L3MBTL4: variants seen among roughly 807,000 people sequenced by gnomAD.
L3MBTL4 encodes the protein L3MBTL histone methyl-lysine binding protein 4.
Under a neutral mutation model 84.5 loss-of-function variants are expected in L3MBTL4, and 70 were observed. That is an observed-to-expected ratio of 0.83 (90% CI 0.68 to 1.01). L3MBTL4 has a LOEUF of 1.01. Ranked by LOEUF, L3MBTL4 falls within the 50% of genes least tolerant of loss-of-function variation. The pLI is 0.00. For missense variants in L3MBTL4, 715 were observed against 754.8 expected (o/e 0.95, Z 0.62); for synonymous variants, 274 against 259.8 (o/e 1.05, Z -0.52).
At chr18:6,256,744 G>A (rs186183866) in intron 5 of L3MBTL4, 1 of 152,192 alleles carries the variant, frequency 6.6e-6, no homozygotes, top group African/African-American at 2.4e-5. Flanking sequence ...GACCCACTAA[G>A]GATTCTGCTC....
chr18:6,115,366 G>A (rs900428293), intron 14 of L3MBTL4, among the ~76,000 whole-genome samples: 3 of 152,182 alleles, frequency 2.0e-5, no homozygotes, highest in Admixed American at 2.0e-4. Context: ...AGGCAAATCT[G>A]GAAGAATTTA....
At chr18:6,319,682 G>C (rs1345564278) in intron 1 of L3MBTL4, among the ~76,000 whole-genome samples, 2 of 152,012 alleles carry the variant, frequency 1.3e-5, no homozygotes, top group African/African-American at 4.8e-5. Context: ...TGAATTCACA[G>C]CTTGAATTTT....
intron 12 of L3MBTL4, among the ~76,000 whole-genome samples, chr18:6,194,311 C>A (rs2045273804): frequency 6.6e-6 from 1 of 152,210 alleles, no homozygotes; most frequent in Non-Finnish European, 1.5e-5. Flanking sequence ...CACTCTCCCA[C>A]AGGGCGTGGC....
At chr18:6,059,203 C>T (rs545404270) in intron 16 of L3MBTL4, among the ~76,000 whole-genome samples, 2 of 152,156 alleles carry the variant, frequency 1.3e-5, no homozygotes, top group South Asian at 2.1e-4. Context: ...GACTCCAGTT[C>T]GAGAGGGTTA....
At chr18:6,123,792 A>G (rs746753975) in intron 14 of L3MBTL4, among the ~76,000 whole-genome samples, 5 of 152,194 alleles carry the variant, frequency 3.3e-5, no homozygotes, top group Non-Finnish European at 5.9e-5. Context: ...TTGTCCTACT[A>G]CCTGGCATTA....
At chr18:6,364,081 C>G (rs961949919) in intron 1 of L3MBTL4, among the ~76,000 whole-genome samples, 1 of 152,060 alleles carries the variant, frequency 6.6e-6, no homozygotes, top group East Asian at 1.9e-4. Flanking sequence ...TGTATCTACG[C>G]GTGCCTGGAT....
At chr18:6,400,977 T>C (rs1349205647) in intron 1 of L3MBTL4, among the ~76,000 whole-genome samples, 1 of 152,166 alleles carries the variant, frequency 6.6e-6, no homozygotes. Context: ...GTGTCCTCAA[T>C]GTACACTCCT....
intron 16 of L3MBTL4, among the ~76,000 whole-genome samples, chr18:5,989,708 G>A (rs1301633751): frequency 6.6e-6 from 1 of 152,156 alleles, no homozygotes. Context: ...CTGAGATTCC[G>A]CAGTTATTAT....
chr18:6,280,933 G>A (rs545642374), intron 4 of L3MBTL4, among the ~76,000 whole-genome samples: 15 of 152,216 alleles, frequency 9.9e-5, no homozygotes, highest in African/African-American at 3.6e-4. Flanking sequence ...CTCACACCTT[G>A]ACTCTGGCCC....
At chr18:6,189,791 CA>C (rs2044978045) in intron 12 of L3MBTL4, among the ~76,000 whole-genome samples, 2 of 151,824 alleles carry the variant, frequency 1.3e-5, no homozygotes, top group Admixed American at 1.3e-4. Context: ...GAAAAAAAGG[CA>C]AGTGGCATAA....
At chr18:6,323,278 T>C (rs2088230415) in intron 1 of L3MBTL4, among the ~76,000 whole-genome samples, 1 of 152,062 alleles carries the variant, frequency 6.6e-6, no homozygotes, top group East Asian at 1.9e-4. Context: ...GGAGCATTGC[T>C]ATAGAGATAC....
intron 15 of L3MBTL4, among the ~76,000 whole-genome samples, chr18:6,087,489 G>A (rs2058295612): frequency 6.6e-6 from 1 of 152,132 alleles, no homozygotes; most frequent in African/African-American, 2.4e-5. Context: ...TGGCTCCTCA[G>A]AGTCTGAGTG....
chr18:6,086,878 T>C (rs1343621907), intron 15 of L3MBTL4, among the ~76,000 whole-genome samples: 1 of 152,142 alleles, frequency 6.6e-6, no homozygotes, highest in Non-Finnish European at 1.5e-5. Flanking sequence ...CCCTAGCACC[T>C]AACACACCAC....
chr18:6,078,528 A>T, intron 16 of L3MBTL4, among the ~76,000 whole-genome samples: 1 of 152,226 alleles, frequency 6.6e-6, no homozygotes, highest in East Asian at 1.9e-4. Flanking sequence ...ATGAAATAAA[A>T]TATTAAATAA....
rs1427077091 is a variant in L3MBTL4 at position 5,959,596 on chromosome 18, G to T, written c.1677+498C>A. On this transcript the variant is annotated intron_variant, in intron 18 of 18. Transcript: ENST00000317931. ...GGGCTGCTCTGGAAGCAAATGCAGG[G>T]CAGGGATAGATAGGAGGGTCCCATG... 2.6e-5 allele frequency among the ~76,000 whole-genome samples: 4 copies of T among 152,280 alleles called. No homozygotes were observed. In the East Asian group the frequency reaches 7.7e-4, roughly 29 times the overall value.
At chr18:6,029,327 A>G (rs2055663248) in intron 16 of L3MBTL4, 2 of 443,994 alleles carry the variant, frequency 4.5e-6, no homozygotes, top group South Asian at 1.9e-4. Flanking sequence ...AGTAATTAAG[A>G]TATTTCAGTT....
At chr18:6,390,775 A>T (rs2055015147) in intron 1 of L3MBTL4, among the ~76,000 whole-genome samples, 1 of 152,198 alleles carries the variant, frequency 6.6e-6, no homozygotes, top group African/African-American at 2.4e-5. Context: ...AGATTAAATC[A>T]GGAAGAAACA....
chr18:5,958,244 C>A (rs1160013528), intron 18 of L3MBTL4, among the ~76,000 whole-genome samples: 1 of 151,952 alleles, frequency 6.6e-6, no homozygotes, highest in Non-Finnish European at 1.5e-5. Flanking sequence ...ACCCTGGGAC[C>A]CCAAGGGTAG....
At chr18:6,311,519 C>A in intron 3 of L3MBTL4, 35 bp downstream of exon 3, 1 of 1,576,020 alleles carries the variant, frequency 6.3e-7, no homozygotes, top group Non-Finnish European at 8.7e-7. Context: ...AGCGATCACA[C>A]ACTGTGAGGA....
Sources: gnomAD v4.1 joint callset for allele counts (sites outside exome capture counted in the v4.1 genomes callset) on GRCh38, gnomAD v4.1.1 for gene constraint, MANE v1.5 for transcripts, NCBI Gene and HGNC (gene_info 2026-07-23, HGNC 2026-07-21) for gene names.